PCDHGA9: variants seen among roughly 807,000 people sequenced by gnomAD.
PCDHGA9 encodes protocadherin gamma subfamily A, 9, also known as protocadherin gamma-A9.
PCDHGA9 carries 37 observed loss-of-function variants against 62.5 expected under a neutral mutation model. The ratio of observed to expected loss-of-function variants is 0.59; its 90% CI spans 0.46 to 0.78. The LOEUF (loss-of-function observed/expected upper bound fraction) is 0.78. PCDHGA9 is among the 30% of genes least tolerant of loss of function. The pLI is 0.00. For synonymous variants in PCDHGA9, 459 were observed against 484.6 expected (o/e 0.95, Z 0.69); for missense variants, 1,138 against 1,166.2 (o/e 0.98, Z 0.35).
rs750139205 is a variant in PCDHGA9 at position 141,489,738 on chromosome 5, T to C, written c.2425-5069T>C. Reference sequence around the variant, plus strand: ...AGGATCCGGATGTGGGCACCAATACTGTGAGCTTTTACACTCTAAGCCCCA... The same window carrying C: ...AGGATCCGGATGTGGGCACCAATACCGTGAGCTTTTACACTCTAAGCCCCA... On this transcript the variant is annotated intron_variant, in intron 1 of 3. Coordinates refer to ENST00000573521, the MANE Select transcript of PCDHGA9 (RefSeq NM_018921.3). This position sits in a 1 kb window ranked among gnomAD's most constrained non-coding sequence, Gnocchi z 4.5. 1 of 1,614,168 alleles carries C rather than the reference T, an allele frequency of 6.2e-7. No individual in the cohort carries two copies. Among genetic ancestry groups the C allele is most frequent in the Non-Finnish European group, 8.5e-7 (1 of 1,180,030 alleles).
chr5:141,465,968 A>G (rs2099113507), intron 1 of PCDHGA9, among the ~76,000 whole-genome samples: 3 of 151,940 alleles, frequency 2.0e-5, no homozygotes, highest in Admixed American at 6.6e-5. Flanking sequence ...TAAAAATACA[A>G]AAAATTAGCC....
intron 1 of PCDHGA9, among the ~76,000 whole-genome samples, chr5:141,456,736 G>A (rs1339661302): frequency 1.3e-5 from 2 of 151,924 alleles, no homozygotes; most frequent in Non-Finnish European, 2.9e-5. Context: ...AGGCTGAGGC[G>A]GGAGCATCAT....
Position 141,476,380 on chromosome 5 carries a change from G to C in PCDHGA9, c.2425-18427G>C. 1 of 1,614,154 alleles carries C rather than the reference G, an allele frequency of 6.2e-7. No homozygotes were observed. The highest frequency in any genetic ancestry group is 8.5e-7 in the Non-Finnish European group (1 of 1,180,042). On this transcript the variant is annotated intron_variant, in intron 1 of 3. Coordinates refer to ENST00000573521, the MANE Select transcript of PCDHGA9 (RefSeq NM_018921.3). The surrounding 1 kb of genome is among the most constrained non-coding windows in gnomAD (Gnocchi z 7.6). ...ACCGGGAGACCGGAGAGATGTTTGT[G>C]AACGACCGTCTGGATCGAGAGGAGC... is the stretch of plus-strand genomic sequence containing the variant.
chr5:141,483,779 A>G (rs1259583177), intron 1 of PCDHGA9, among the ~76,000 whole-genome samples: 2 of 152,146 alleles, frequency 1.3e-5, no homozygotes, highest in Non-Finnish European at 2.9e-5. Context: ...TTGGGGAAGG[A>G]TAAGAACTCC....
chr5:141,432,087 C>G lies in PCDHGA9; in HGVS notation c.2424+26711C>G. On this transcript the variant is annotated intron_variant, in intron 1 of 3. Coordinates refer to ENST00000573521, the MANE Select transcript of PCDHGA9 (RefSeq NM_018921.3). This position sits in a 1 kb window ranked among gnomAD's most constrained non-coding sequence, Gnocchi z 6.0. ...GAAACTCATATCTCGCTGAACGTGG[C>G]AGACACCAACGACAACCCGCCGGTC... 3 of 1,614,178 alleles carry G rather than the reference C, an allele frequency of 1.9e-6. No homozygotes were observed. The highest frequency in any genetic ancestry group is 2.5e-6 in the Non-Finnish European group (3 of 1,180,042).
intron 1 of PCDHGA9, chr5:141,414,308 T>C: frequency 6.2e-7 from 1 of 1,613,764 alleles, no homozygotes; most frequent in Non-Finnish European, 8.5e-7. Context: ...GTGCATGATT[T>C]AGACTCTGAG....
chr5:141,442,052 G>T (rs2098295034), intron 1 of PCDHGA9: 1 of 197,576 alleles, frequency 5.1e-6, no homozygotes, highest in South Asian at 6.6e-5. Flanking sequence ...TACTGGTCGC[G>T]GTGCACTGCG....
intron 1 of PCDHGA9, chr5:141,416,335 C>A (rs573998059): frequency 6.6e-6 from 1 of 152,256 alleles, no homozygotes; most frequent in Non-Finnish European, 1.5e-5. Flanking sequence ...ACTTTCATTG[C>A]TCAATAGGGA....
rs758515649 is a variant in PCDHGA9 at position 141,432,368 on chromosome 5, A to G, written c.2424+26992A>G. On this transcript the variant is annotated intron_variant, in intron 1 of 3. Coordinates refer to ENST00000573521, the MANE Select transcript of PCDHGA9 (RefSeq NM_018921.3). This position sits in a 1 kb window ranked among gnomAD's most constrained non-coding sequence, Gnocchi z 6.0. ...GCAAGTGAAAGTGATGGCGCGGGAC[A>G]ACGGGCACCCGCCCCTCAGCAGCAA... 1.2e-6 allele frequency: 2 copies of G among 1,614,110 alleles called. No homozygotes were observed. Among genetic ancestry groups the G allele is most frequent in the Non-Finnish European group, 1.7e-6 (2 of 1,180,054 alleles).
intron 3 of PCDHGA9, among the ~76,000 whole-genome samples, chr5:141,510,584 C>T (rs2099881791): frequency 1.3e-5 from 2 of 152,184 alleles, no homozygotes. Flanking sequence ...TTTTACGTAC[C>T]TGACATACAT....
intron 1 of PCDHGA9, among the ~76,000 whole-genome samples, chr5:141,425,691 T>C (rs1411905655): frequency 6.6e-6 from 1 of 152,238 alleles, no homozygotes. Context: ...TGCATATCAT[T>C]TCATAGTGGT....
chr5:141,456,335 G>A (rs2098850730), intron 1 of PCDHGA9, among the ~76,000 whole-genome samples: 1 of 152,114 alleles, frequency 6.6e-6, no homozygotes. Flanking sequence ...TTGATCTAAG[G>A]GTCCTCGGAA....
chr5:141,408,336 C>A, intron 1 of PCDHGA9: 1 of 1,613,910 alleles, frequency 6.2e-7, no homozygotes, highest in Non-Finnish European at 8.5e-7. Flanking sequence ...GCCAAGGGCT[C>A]GGTGGTGGGG....
At chr5:141,509,573 C>G (rs372901649) in intron 3 of PCDHGA9, among the ~76,000 whole-genome samples, 4 of 152,164 alleles carry the variant, frequency 2.6e-5, no homozygotes, top group Admixed American at 2.6e-4. Context: ...CTTCACAGTG[C>G]GTACAAATCA....
rs1288980459 is a variant in PCDHGA9, at chr5:141,404,102, T to C, written c.1150T>C (p.Cys384Arg). ...CTCCGGGAAGAATGGTCAAGTTGTC[T>C]GTTCTATCCAGGAGAATCTATCTTT... ...RDSGKNGQVVCSIQENLSFTL... is the reference protein window; with the variant it reads ...RDSGKNGQVVRSIQENLSFTL... The change falls in exon 1 of 4, where the codon TGT (cysteine) becomes CGT (arginine). Residue 384 changes from cysteine to arginine, a missense_variant. Cys to Arg is a radical substitution (Grantham distance 180). Coordinates refer to ENST00000573521, the MANE Select transcript of PCDHGA9 (RefSeq NM_018921.3). 9.9e-6 allele frequency: 16 copies of C among 1,613,462 alleles called. No homozygotes were observed. The highest frequency in any genetic ancestry group is 8.5e-7 in the Non-Finnish European group (1 of 1,179,552).
intron 1 of PCDHGA9, among the ~76,000 whole-genome samples, chr5:141,464,549 C>T (rs2099086404): frequency 6.6e-6 from 1 of 152,014 alleles, no homozygotes; most frequent in Non-Finnish European, 1.5e-5. Flanking sequence ...TAGCTATTCC[C>T]CATCTTGCAT....
At chr5:141,422,375 TCTC>T in intron 1 of PCDHGA9, 1 of 1,570,814 alleles carries the variant, frequency 6.4e-7, no homozygotes, top group Non-Finnish European at 8.6e-7. Context: ...AATGGTCAAG[TCTC>T]CTGTTTTATT....
At chr5:141,482,572 T>C (rs1367788391) in intron 1 of PCDHGA9, among the ~76,000 whole-genome samples, 1 of 137,636 alleles carries the variant, frequency 7.3e-6, no homozygotes, top group Admixed American at 7.3e-5. Context: ...CTGCATAGCA[T>C]AAGATGCAGT....
At chr5:141,415,122 C>G (rs552568826) in intron 1 of PCDHGA9, 1 of 1,613,668 alleles carries the variant, frequency 6.2e-7, no homozygotes, top group Non-Finnish European at 8.5e-7. Context: ...TCGTAGTGGC[C>G]GTCCAGGACC....
Sources: gnomAD v4.1 joint callset for allele counts (sites outside exome capture counted in the v4.1 genomes callset) on GRCh38, gnomAD v4.1.1 for gene constraint, Gnocchi (gnomAD v3.1) non-coding constraint, MANE v1.5 for transcripts, NCBI Gene and HGNC (gene_info 2026-07-23, HGNC 2026-07-21) for gene names.